The following COL4A4 variants were observed in gnomAD, a reference collection of about 807,000 sequenced individuals.
COL4A4 encodes collagen alpha-4(IV) chain.
In COL4A4, 105 loss-of-function variants were observed where a neutral mutation model predicts 192.9. The observed-to-expected ratio is 0.54, with a 90% CI of 0.46 to 0.64. The LOEUF (loss-of-function observed/expected upper bound fraction) is 0.64, where lower values mean the gene tolerates loss of function less well. COL4A4 is among the 30% of genes least tolerant of loss of function. COL4A4 has a pLI of 0.00. For synonymous variants in COL4A4, 762 were observed against 769.9 expected (o/e 0.99, Z 0.17); for missense variants, 1,967 against 2,169.3 (o/e 0.91, Z 1.85).
intron 25 of COL4A4, among the ~76,000 whole-genome samples, chr2:227,065,749 A>G (rs184959591): frequency 1.1e-3 from 165 of 152,356 alleles, no homozygotes; most frequent in African/African-American, 3.7e-3. Flanking sequence ...AAAGACCAAA[A>G]GTAGATAAAA....
chr2:227,051,042 G>A lies in COL4A4; in HGVS notation c.3085C>T (p.Pro1029Ser), dbSNP rs760539669. 11 of 1,614,058 alleles carry A rather than the reference G, an allele frequency of 6.8e-6. No homozygotes were observed. The East Asian group carries it at 2.0e-4, about 29-fold the overall frequency. Residue 1029 changes from proline (P) to serine (S), a missense_variant, in exon 33 of 48, where the codon CCA becomes TCA. By Grantham distance (74) the Pro-to-Ser change is moderately conservative. Coordinates refer to ENST00000396625, the MANE Select transcript of COL4A4 (RefSeq NM_000092.5). ...EKGQPGPPGP[P>S]GPPGSTGLRG... ...AGACCAGTTGAGCCTGGAGGGCCTG[G>A]GGGTCCAGGAGGCCCTGGCTGACCT...
chr2:226,988,536 C>G, the COL4A4 span: 1 of 1,454,190 alleles, frequency 6.9e-7, no homozygotes, highest in South Asian at 1.5e-5. Context: ...CGCACTGTGC[C>G]AGGCTGGCCC....
At chr2:227,139,672 A>G (rs2063064180) in intron 4 of COL4A4, among the ~76,000 whole-genome samples, 1 of 152,248 alleles carries the variant, frequency 6.6e-6, no homozygotes, top group African/African-American at 2.4e-5. Flanking sequence ...TTTTGAACTC[A>G]TAGAACAGTG....
At chr2:227,087,069 A>G (rs972611535) in intron 22 of COL4A4, among the ~76,000 whole-genome samples, 1 of 152,156 alleles carries the variant, frequency 6.6e-6, no homozygotes, top group Non-Finnish European at 1.5e-5. Flanking sequence ...CCCAGGATTG[A>G]GCCTTGTTAA....
At chr2:227,072,171 AAGAAGAG>A (rs1382339068) in intron 25 of COL4A4, among the ~76,000 whole-genome samples, 1 of 152,050 alleles carries the variant, frequency 6.6e-6, no homozygotes, top group African/African-American at 2.4e-5. Context: ...TAAACAAGAA[AAGAAGAG>A]AGAAGATCCA....
chr2:227,103,052 T>A lies in COL4A4; in HGVS notation c.870+92A>T, dbSNP rs2060612499. 4.9e-6 allele frequency: 6 copies of A among 1,220,842 alleles called. No homozygotes were observed. In the East Asian group the frequency reaches 1.2e-4, roughly 24 times the overall value. 75.6% of individuals were successfully genotyped at this position (1,220,842 alleles called of 1,614,324 possible). A position where few individuals can be genotyped will look rare whatever the true frequency, so the allele number is the denominator to read the frequency against. ...AATTCTGGTAATATATATTAGCACT[T>A]AAAGCAATGATAAAGACCATGAGAA... On this transcript the variant is annotated intron_variant, in intron 14 of 47. Coordinates refer to ENST00000396625, the MANE Select transcript of COL4A4 (RefSeq NM_000092.5).
At chr2:227,044,436 T>TG (rs1397099288) in intron 35 of COL4A4, among the ~76,000 whole-genome samples, 1 of 152,104 alleles carries the variant, frequency 6.6e-6, no homozygotes, top group Admixed American at 6.6e-5. Flanking sequence ...CAAACCATGC[T>TG]GGGGGGGCTA....
intron 4 of COL4A4, among the ~76,000 whole-genome samples, chr2:227,131,960 G>GC (rs1439806748): frequency 6.6e-6 from 1 of 152,176 alleles, no homozygotes; most frequent in African/African-American, 2.4e-5. Flanking sequence ...GCCTGGCAGT[G>GC]CCAGCAGCTT....
chr2:227,121,148 C>T lies in COL4A4; in HGVS notation c.193G>A (p.Gly65Ser), dbSNP rs776036994. Reference sequence around the variant, plus strand: ...TGTGGCCCTGGTGGTCCTGGTGGACCCTGAGAAGGAAGATTAAAAAGAAAT... The same window carrying T: ...TGTGGCCCTGGTGGTCCTGGTGGACTCTGAGAAGGAAGATTAAAAAGAAAT... Reference protein sequence around the residue: ...CHCVPEKGSRGPPGPPGPQGP... With the variant: ...CHCVPEKGSRSPPGPPGPQGP... The change falls in exon 5 of 48, where the codon GGT becomes AGT. Residue 65 changes from glycine (G) to serine (S), a missense_variant and splice_region_variant. By Grantham distance (56) the Gly-to-Ser change is moderately conservative (BLOSUM62 0). Transcript: ENST00000396625. 4.3e-6 allele frequency: 7 copies of T among 1,613,706 alleles called. No individual in the cohort carries two copies. In the Admixed American group the frequency reaches 1.0e-4, roughly 23 times the overall value.
At chr2:227,083,275 A>G (rs1296238921) in intron 22 of COL4A4, among the ~76,000 whole-genome samples, 2 of 152,054 alleles carry the variant, frequency 1.3e-5, no homozygotes, top group Admixed American at 1.3e-4. Context: ...TAGGGTGGCC[A>G]AGCACCATTT....
intron 36 of COL4A4, among the ~76,000 whole-genome samples, chr2:227,042,505 T>G (rs1281298079): frequency 6.6e-6 from 1 of 152,148 alleles, no homozygotes; most frequent in East Asian, 1.9e-4. Flanking sequence ...AGGAATAGTA[T>G]CCATTAAAAC....
At chr2:227,027,788 A>C (rs765309445) in intron 42 of COL4A4, 114 bp downstream of exon 42, 1 of 824,638 alleles carries the variant, frequency 1.2e-6, no homozygotes, top group Admixed American at 1.7e-5. Flanking sequence ...TAATATAAGA[A>C]AAGGGCTTAA....
chr2:227,147,581 G>C lies in COL4A4; in HGVS notation c.-98C>G. On this transcript the variant is annotated 5_prime_UTR_variant, in exon 2 of 48. Coordinates refer to ENST00000396625, the MANE Select transcript of COL4A4 (RefSeq NM_000092.5). ...GGTTCTGTGTTCTGGGTCAAAGTCTGTTCCTGTTAGATATAAATATATCAC... is the reference window on the plus strand; with the variant it reads ...GGTTCTGTGTTCTGGGTCAAAGTCTCTTCCTGTTAGATATAAATATATCAC... 1 of 967,536 alleles carries C rather than the reference G, an allele frequency of 1.0e-6. No individual in the cohort carries two copies. The highest frequency in any genetic ancestry group is 1.3e-5 in the South Asian group (1 of 77,960). The allele number at this position is 967,536 out of a possible 1,614,324, so 59.9% of individuals were successfully genotyped here.
intron 15 of COL4A4, among the ~76,000 whole-genome samples, chr2:227,102,180 T>C (rs2060560304): frequency 6.6e-6 from 1 of 152,286 alleles, no homozygotes; most frequent in Admixed American, 6.5e-5. Context: ...TTTCCAAATT[T>C]AATTTACTTA....
At chr2:227,127,856 G>T (rs1406805215) in intron 4 of COL4A4, among the ~76,000 whole-genome samples, 1 of 152,138 alleles carries the variant, frequency 6.6e-6, no homozygotes, top group Non-Finnish European at 1.5e-5. Flanking sequence ...GTATAAATCA[G>T]TGCAAGGTAT....
intron 44 of COL4A4, among the ~76,000 whole-genome samples, chr2:227,020,773 C>A (rs752714728): frequency 2.4e-4 from 36 of 152,018 alleles, no homozygotes; most frequent in Non-Finnish European, 4.3e-4. Context: ...CTAAAGAGAA[C>A]AGTGACTTCT....
At chr2:227,019,900 C>A (rs1266164579) in intron 44 of COL4A4, among the ~76,000 whole-genome samples, 1 of 152,230 alleles carries the variant, frequency 6.6e-6, no homozygotes, top group Non-Finnish European at 1.5e-5. Context: ...CTCCTGACCT[C>A]AGGTGATCTG....
intron 30 of COL4A4, 80 bp downstream of exon 30, chr2:227,055,865 G>A (rs1367491805): frequency 7.1e-6 from 9 of 1,260,294 alleles, no homozygotes; most frequent in African/African-American, 4.5e-5. Flanking sequence ...CTTTTTGTGT[G>A]GTCATCTGTC....
At chr2:227,110,529 C>T (rs149975445) in intron 9 of COL4A4, among the ~76,000 whole-genome samples, 1,932 of 152,000 alleles carry the variant, frequency 0.013, 38 homozygotes, top group African/African-American at 0.043. Context: ...ATTACAGCCA[C>T]GCACCACCAC....
Sources: allele counts gnomAD v4.1 joint callset (sites outside exome capture counted in the v4.1 genomes callset), GRCh38; gene constraint gnomAD v4.1.1; transcripts MANE v1.5; gene names NCBI Gene and HGNC (gene_info 2026-07-23, HGNC 2026-07-21).